Variants in TRIM34 observed in about 807,000 individuals in gnomAD.
TRIM34 encodes tripartite motif containing 34.
In TRIM34, 41 loss-of-function variants were observed where a neutral mutation model predicts 38.1. The ratio of observed to expected loss-of-function variants is 1.08; its 90% CI spans 0.84 to 1.40. TRIM34 has a LOEUF of 1.40. Ranked by LOEUF, TRIM34 falls within the 40% of genes most tolerant of loss-of-function variation. The pLI is 0.00. For synonymous variants in TRIM34, 200 were observed against 202.5 expected (o/e 0.99, Z 0.10); for missense variants, 556 against 571.4 (o/e 0.97, Z 0.27).
intron 4 of TRIM34, among the ~76,000 whole-genome samples, chr11:5,637,866 T>C (rs1468450099): frequency 6.6e-6 from 1 of 152,246 alleles, no homozygotes; most frequent in Non-Finnish European, 1.5e-5. Context: ...AGGTTTCTTA[T>C]AAGGGTCTGT....
chr11:5,638,593 G>A (rs1016359299), intron 4 of TRIM34, among the ~76,000 whole-genome samples: 1 of 152,236 alleles, frequency 6.6e-6, no homozygotes, highest in Non-Finnish European at 1.5e-5. Context: ...AGAAGTTAAG[G>A]ATGGACTGGC....
At chr11:5,621,252 G>A (rs1848984361), upstream of TRIM34, among the ~76,000 whole-genome samples, 1 of 152,160 alleles carries the variant, frequency 6.6e-6, no homozygotes, top group South Asian at 2.1e-4. Flanking sequence ...TTCATTTTCA[G>A]GGCTTTGGGA....
At chr11:5,633,747 C>A in intron 2 of TRIM34, 57 bp from the exon 3 acceptor site, 14 of 1,528,270 alleles carry the variant, frequency 9.2e-6, no homozygotes, top group Admixed American at 2.1e-5. Flanking sequence ...TGTTTGTCCT[C>A]TATCCAGATA....
chr11:5,631,714 A>C (rs545648388), intron 1 of TRIM34, among the ~76,000 whole-genome samples: 1 of 152,314 alleles, frequency 6.6e-6, no homozygotes, highest in African/African-American at 2.4e-5. Flanking sequence ...AAGGAAGATA[A>C]TGAAACAATG....
At chr11:5,640,129 T>C (rs1849942821) in intron 4 of TRIM34, among the ~76,000 whole-genome samples, 1 of 152,234 alleles carries the variant, frequency 6.6e-6, no homozygotes, top group South Asian at 2.1e-4. Flanking sequence ...TGTGACTAAC[T>C]GCCCTGACTA....
chr11:5,630,970 G>A (rs887652233), intron 1 of TRIM34, among the ~76,000 whole-genome samples: 1 of 152,206 alleles, frequency 6.6e-6, no homozygotes. Flanking sequence ...ATTAGTGGAT[G>A]TGGATTTAAC....
rs766089366 is a variant in TRIM34, at chr11:5,642,367, T to C, written c.774-39T>C. 9.5e-6 allele frequency: 15 copies of C among 1,571,932 alleles called. 1 individual carries two copies. The Admixed American group carries it at 1.9e-4, about 19-fold the overall frequency. On this transcript the variant is annotated intron_variant, in intron 5 of 7. Coordinates refer to ENST00000429814, the MANE Select transcript of TRIM34 (RefSeq NM_021616.6). ...TGATGTGGGAGGGATGGACACAGGATGAGAGATGTGGGGGTCAAAAAATTT... is the reference window on the plus strand; with the variant it reads ...TGATGTGGGAGGGATGGACACAGGACGAGAGATGTGGGGGTCAAAAAATTT...
At chr11:5,622,486 G>A (rs754282514), upstream of TRIM34, among the ~76,000 whole-genome samples, 11 of 151,920 alleles carry the variant, frequency 7.2e-5, no homozygotes, top group Middle Eastern at 3.4e-3. Context: ...GCTGGACGTG[G>A]TGGCGCATGC....
chr11:5,632,514 C>T lies in TRIM34; in HGVS notation c.183C>T (p.Ile61=). The T allele has an allele frequency of 6.2e-7, 1 of 1,613,922 alleles. No individual in the cohort carries two copies. The highest frequency in any genetic ancestry group is 1.1e-5 in the South Asian group (1 of 91,054). Residue 61 remains isoleucine (I), a synonymous_variant, in exon 2 of 8, where the codon ATC becomes ATT. Coordinates refer to ENST00000429814, the MANE Select transcript of TRIM34 (RefSeq NM_021616.6). ...AAAGCAGCTGTCCTGTGTGTGGTAT[C>T]AGTTACTCATTTGAACATCTACAGG... ...GGKSSCPVCG[I]SYSFEHLQAN...
chr11:5,632,965 T>C (rs1849548445), intron 2 of TRIM34, among the ~76,000 whole-genome samples: 1 of 149,108 alleles, frequency 6.7e-6, no homozygotes, highest in Non-Finnish European at 1.5e-5. Context: ...TAGCTCGGAT[T>C]ACAGGCGCCT....
upstream of TRIM34, among the ~76,000 whole-genome samples, chr11:5,622,439 C>T (rs1849022927): frequency 7.1e-6 from 1 of 141,462 alleles, no homozygotes; most frequent in Non-Finnish European, 1.5e-5. Context: ...AGCGAGACTA[C>T]CTCTCAAAAA....
Position 5,644,366 on chromosome 11 carries a change from A to G in TRIM34, c.*657A>G, listed in dbSNP as rs1441147538. The G allele has an allele frequency of 5.0e-6, 2 of 397,638 alleles. No homozygotes were observed. Among genetic ancestry groups the G allele is most frequent in the East Asian group, 3.6e-5 (1 of 28,026 alleles). The allele number at this position is 397,638 out of a possible 1,614,324, so 24.6% of individuals were successfully genotyped here. A position where few individuals can be genotyped will look rare whatever the true frequency, so the allele number is the denominator to read the frequency against. ...AATGCATCGATTTAGTGTCTGGAAC[A>G]TAATAAATATTTGCTCTCATGATTG... On this transcript the variant is annotated 3_prime_UTR_variant, in exon 8 of 8. Coordinates refer to ENST00000429814, the MANE Select transcript of TRIM34 (RefSeq NM_021616.6).
At chr11:5,627,411 G>C (rs1286755069) in intron 1 of TRIM34, among the ~76,000 whole-genome samples, 1 of 152,106 alleles carries the variant, frequency 6.6e-6, no homozygotes, top group Non-Finnish European at 1.5e-5. Context: ...GATAGTATCA[G>C]CAAGACTAGT....
At chr11:5,632,960 C>T (rs140971108) in intron 2 of TRIM34, among the ~76,000 whole-genome samples, 4 of 147,724 alleles carry the variant, frequency 2.7e-5, no homozygotes, top group Admixed American at 6.8e-5. Context: ...CCAAGTAGCT[C>T]GGATTACAGG....
chr11:5,633,777 G>C, intron 2 of TRIM34, 27 bp from the exon 3 acceptor site: 1 of 1,603,276 alleles, frequency 6.2e-7, no homozygotes, highest in Non-Finnish European at 8.5e-7. Flanking sequence ...CTTATAGCTT[G>C]ACTGTAGTGT....
rs35208771 is a variant in TRIM34 at position 5,635,254 on chromosome 11, A to ATTT, written c.750+410_750+412dup. 7.2e-4 allele frequency among the ~76,000 whole-genome samples: 92 copies of ATTT among 128,320 alleles called. 2 individuals carry two copies. The highest frequency in any genetic ancestry group is 2.4e-3 in the African/African-American group (84 of 34,768). The allele number at this position is 128,320 out of a possible 152,430, so 84.2% of individuals were successfully genotyped here. ...TTTGTTATGCAAATGTTCCCTGTTA[A>ATTT]TTTTTTTTTTTTTTTTTTTGAGACG... On this transcript the variant is annotated intron_variant, in intron 4 of 7. Transcript: ENST00000429814.
At chr11:5,637,871 G>A (rs181687052) in intron 4 of TRIM34, among the ~76,000 whole-genome samples, 49 of 152,264 alleles carry the variant, frequency 3.2e-4, no homozygotes, top group African/African-American at 1.1e-3. Context: ...TCTTATAAGG[G>A]TCTGTTGCAT....
upstream of TRIM34, among the ~76,000 whole-genome samples, chr11:5,621,100 C>A (rs1289307643): frequency 1.3e-5 from 2 of 152,180 alleles, no homozygotes; most frequent in African/African-American, 2.4e-5. Context: ...TCCATAGCAA[C>A]TGGAGGAAAT....
At chr11:5,629,999 C>T (rs1031612039) in intron 1 of TRIM34, among the ~76,000 whole-genome samples, 1 of 152,180 alleles carries the variant, frequency 6.6e-6, no homozygotes, top group African/African-American at 2.4e-5. Flanking sequence ...AGCCACCGCG[C>T]CCGGCCTCAG....
Sources: allele counts gnomAD v4.1 joint callset (sites outside exome capture counted in the v4.1 genomes callset), GRCh38; gene constraint gnomAD v4.1.1; transcripts MANE v1.5; gene names NCBI Gene and HGNC (gene_info 2026-07-23, HGNC 2026-07-21).